DLG2: variants seen among roughly 807,000 people sequenced by gnomAD.
DLG2 encodes the protein disks large homolog 2.
Under a neutral mutation model 132.5 loss-of-function variants are expected in DLG2, and 45 were observed. The ratio of observed to expected loss-of-function variants is 0.34; its 90% CI spans 0.27 to 0.44. DLG2 has a LOEUF of 0.44. Ranked by LOEUF, DLG2 falls within the 20% of genes least tolerant of loss-of-function variation. DLG2 has a pLI of 1.00. For missense variants in DLG2, 1,045 were observed against 1,196.9 expected, an observed-to-expected ratio of 0.87 and a Z score of 1.87; for synonymous variants, 424 against 419.6, an observed-to-expected ratio of 1.01 and a Z score of -0.13.
rs1265484454 is a variant in DLG2, at chr11:84,176,186, T to A, written c.574-12675A>T. On this transcript the variant is annotated intron_variant, in intron 8 of 27. Transcript: ENST00000376104. ...TCCCCCTAGCAGACATGTACATACA[T>A]GCCACACTGGTCTCTTTTAAGAAAG... Among the ~76,000 whole-genome samples, 3 of 151,806 alleles carry A rather than the reference T, an allele frequency of 2.0e-5. No individual in the cohort carries two copies. The East Asian group carries it at 5.8e-4, about 29-fold the overall frequency.
chr11:84,926,489 A>G (rs974224365), intron 6 of DLG2, among the ~76,000 whole-genome samples: 8 of 152,016 alleles, frequency 5.3e-5, no homozygotes, highest in Non-Finnish European at 1.2e-4. Context: ...TGTCCAAGTT[A>G]TATATAATAT....
intron 10 of DLG2, among the ~76,000 whole-genome samples, chr11:84,086,378 G>C (rs989477537): frequency 1.3e-5 from 2 of 151,878 alleles, no homozygotes; most frequent in African/African-American, 4.8e-5. Flanking sequence ...TTTAAAATTT[G>C]CCCTTTTAAA....
chr11:83,822,805 G>A (rs907041685), intron 17 of DLG2, among the ~76,000 whole-genome samples: 7 of 151,992 alleles, frequency 4.6e-5, no homozygotes, highest in African/African-American at 1.7e-4. Context: ...TGGAACTGAC[G>A]TCTGTTGTCT....
chr11:83,510,792 G>A (rs924597564), intron 21 of DLG2, among the ~76,000 whole-genome samples: 2 of 149,192 alleles, frequency 1.3e-5, no homozygotes, highest in Non-Finnish European at 3.0e-5. Flanking sequence ...TTTACAATGT[G>A]AGAGCATGTG....
At chr11:84,535,696 T>TG (rs1451007288) in intron 6 of DLG2, among the ~76,000 whole-genome samples, 3 of 152,342 alleles carry the variant, frequency 2.0e-5, no homozygotes, top group Admixed American at 1.3e-4. Flanking sequence ...CCCTTGGATC[T>TG]GTCCCTTTAG....
At chr11:84,461,280 G>A (rs945907204) in intron 7 of DLG2, among the ~76,000 whole-genome samples, 2 of 150,696 alleles carry the variant, frequency 1.3e-5, no homozygotes, top group African/African-American at 2.4e-5. Flanking sequence ...ATAAGAAAAT[G>A]GAGGCTTAGA....
At chr11:84,868,006 G>A (rs1458667479) in intron 6 of DLG2, among the ~76,000 whole-genome samples, 2 of 151,640 alleles carry the variant, frequency 1.3e-5, no homozygotes, top group African/African-American at 2.4e-5. Flanking sequence ...CCCGGGCGGC[G>A]GAGCTTGCAG....
chr11:84,694,675 T>C (rs2058429797), intron 6 of DLG2, among the ~76,000 whole-genome samples: 1 of 151,520 alleles, frequency 6.6e-6, no homozygotes, highest in African/African-American at 2.4e-5. Flanking sequence ...AACCCTTGGA[T>C]GAAAGGAAAA....
At chr11:83,895,145 CTTTTTTTTTTTT>C (rs11287512) in intron 15 of DLG2, among the ~76,000 whole-genome samples, 3 of 87,902 alleles carry the variant, frequency 3.4e-5, no homozygotes, top group Non-Finnish European at 6.2e-5. Context: ...GAACTACTGT[CTTTTTTTTTTTT>C]TTTTTTTTTT....
intron 7 of DLG2, among the ~76,000 whole-genome samples, chr11:84,430,455 G>GAAAAAA (rs11397729): frequency 7.0e-6 from 1 of 142,678 alleles, no homozygotes; most frequent in African/African-American, 2.6e-5. Context: ...AAAAAGAAAA[G>GAAAAAA]AAAAAAAAAA....
At chr11:83,935,076 T>C (rs1362646971) in intron 14 of DLG2, among the ~76,000 whole-genome samples, 2 of 152,186 alleles carry the variant, frequency 1.3e-5, no homozygotes, top group African/African-American at 2.4e-5. Flanking sequence ...TATGGTTTTC[T>C]TGGGTTGCCA....
chr11:83,493,793 G>T (rs2094003944), intron 21 of DLG2, among the ~76,000 whole-genome samples: 1 of 152,072 alleles, frequency 6.6e-6, no homozygotes, highest in East Asian at 1.9e-4. Context: ...TGCAGAAACT[G>T]GCTTATTTGT....
intron 11 of DLG2, among the ~76,000 whole-genome samples, chr11:83,983,558 C>T (rs938580959): frequency 2.0e-5 from 3 of 151,950 alleles, no homozygotes; most frequent in African/African-American, 7.2e-5. Flanking sequence ...TATAAAGCAA[C>T]ATCTCTGGAA....
At chr11:85,089,124 T>A (rs1415785268) in intron 6 of DLG2, among the ~76,000 whole-genome samples, 1 of 150,780 alleles carries the variant, frequency 6.6e-6, no homozygotes, top group African/African-American at 2.4e-5. Flanking sequence ...AAACTTCTAA[T>A]TTTTTTTTTC....
chr11:84,412,030 A>G (rs1449161462), intron 7 of DLG2, among the ~76,000 whole-genome samples: 1 of 151,448 alleles, frequency 6.6e-6, no homozygotes, highest in Non-Finnish European at 1.5e-5. Context: ...GCCATAATGG[A>G]GGAGTGTGCG....
chr11:83,830,768 C>T (rs1304810506), intron 17 of DLG2, among the ~76,000 whole-genome samples: 3 of 152,164 alleles, frequency 2.0e-5, no homozygotes, highest in Non-Finnish European at 4.4e-5. Context: ...TTTAGCCTCT[C>T]CAAATCTCTT....
At position 84,784,366 on chromosome 11, in the gene DLG2, A is replaced by AAATT. The variant is rs1391734254; in HGVS notation, c.358-249639_358-249636dup. On this transcript the variant is annotated intron_variant, in intron 6 of 27. Transcript: ENST00000376104. The stretch of plus-strand genomic sequence containing the variant: ...TAAATAAATAAATAAATAAATAAAT[A>AAATT]AATTAAACAAGAGTATAGAACATAA... Among the ~76,000 whole-genome samples, 588 of 147,430 alleles carry AAATT rather than the reference A, an allele frequency of 4.0e-3. 6 individuals are homozygous for AAATT. Among genetic ancestry groups the AAATT allele is most frequent in the East Asian group, 0.012 (63 of 5,110 alleles).
At chr11:85,162,948 C>T (rs2078152089) in intron 4 of DLG2, among the ~76,000 whole-genome samples, 1 of 152,116 alleles carries the variant, frequency 6.6e-6, no homozygotes, top group African/African-American at 2.4e-5. Context: ...AAGGCAGACC[C>T]ACCCTTAATC....
intron 3 of DLG2, among the ~76,000 whole-genome samples, chr11:85,553,768 A>T (rs1243433481): frequency 6.6e-6 from 1 of 151,556 alleles, no homozygotes. Flanking sequence ...CAGAATATAA[A>T]TCAACAAAAT....
Sources: allele counts gnomAD v4.1 joint callset (sites outside exome capture counted in the v4.1 genomes callset), GRCh38; gene constraint gnomAD v4.1.1; transcripts MANE v1.5; gene names NCBI Gene and HGNC (gene_info 2026-07-23, HGNC 2026-07-21).